Variants in GALNTL6 observed in about 807,000 individuals in gnomAD.
GALNTL6 encodes the protein polypeptide N-acetylgalactosaminyltransferase-like 6.
GALNTL6 carries 46 observed loss-of-function variants against 73.7 expected under a neutral mutation model. That is an observed-to-expected ratio of 0.62 (90% confidence interval 0.49 to 0.80). GALNTL6 has a LOEUF of 0.80. GALNTL6 is among the 30% of genes least tolerant of loss of function. GALNTL6 has a pLI of 0.00. For synonymous variants in GALNTL6, 259 were observed against 263.7 expected (o/e 0.98, Z 0.17); for missense variants, 604 against 755.0 (o/e 0.80, Z 2.34).
At chr4:172,724,926 G>A (rs1226680494) in intron 5 of GALNTL6, among the ~76,000 whole-genome samples, 3 of 152,144 alleles carry the variant, frequency 2.0e-5, no homozygotes, top group Non-Finnish European at 4.4e-5. Flanking sequence ...GTGCTAACAA[G>A]ATATCACCTG....
intron 2 of GALNTL6, among the ~76,000 whole-genome samples, chr4:171,969,000 C>A (rs1739480229): frequency 6.6e-6 from 1 of 151,956 alleles, no homozygotes; most frequent in Non-Finnish European, 1.5e-5. Flanking sequence ...CCACGCCCGG[C>A]TAATTTTTGT....
At chr4:171,869,561 A>G (rs1736077801) in intron 2 of GALNTL6, among the ~76,000 whole-genome samples, 1 of 152,136 alleles carries the variant, frequency 6.6e-6, no homozygotes, top group African/African-American at 2.4e-5. Context: ...TTTTTACTGC[A>G]TTGCAATTTT....
chr4:171,935,892 T>C (rs1738329511), intron 2 of GALNTL6, among the ~76,000 whole-genome samples: 1 of 152,192 alleles, frequency 6.6e-6, no homozygotes, highest in Admixed American at 6.6e-5. Flanking sequence ...TTTTTACCAA[T>C]ACCTAGTCAG....
chr4:172,500,487 A>G (rs758274080), intron 5 of GALNTL6, among the ~76,000 whole-genome samples: 3 of 152,168 alleles, frequency 2.0e-5, no homozygotes, highest in Non-Finnish European at 2.9e-5. Context: ...GTGAGGAATG[A>G]CACATCCTGT....
intron 10 of GALNTL6, among the ~76,000 whole-genome samples, chr4:172,994,911 C>G (rs1199575403): frequency 1.3e-5 from 2 of 152,302 alleles, no homozygotes; most frequent in African/African-American, 4.8e-5. Context: ...AGCTTAACAA[C>G]TGTATATTAG....
chr4:172,023,845 T>C (rs67649306), intron 2 of GALNTL6, among the ~76,000 whole-genome samples: 18,540 of 151,840 alleles, frequency 0.12, 2,860 homozygotes, highest in African/African-American at 0.36. Flanking sequence ...TACAAATACA[T>C]TTATGGCAGT....
intron 5 of GALNTL6, among the ~76,000 whole-genome samples, chr4:172,480,398 G>T (rs1434034394): frequency 6.6e-6 from 1 of 151,932 alleles, no homozygotes; most frequent in African/African-American, 2.4e-5. Flanking sequence ...ACTTCATTTA[G>T]ACTTAAAGCT....
At chr4:172,715,100 A>C (rs1299707708) in intron 5 of GALNTL6, among the ~76,000 whole-genome samples, 2 of 152,158 alleles carry the variant, frequency 1.3e-5, no homozygotes, top group Non-Finnish European at 2.9e-5. Context: ...ATTTCAACAA[A>C]AAAAAATGGT....
chr4:171,885,145 T>C (rs1736573361), intron 2 of GALNTL6, among the ~76,000 whole-genome samples: 1 of 151,968 alleles, frequency 6.6e-6, no homozygotes. Context: ...TTGTGTATAA[T>C]TACATGGTCT....
intron 2 of GALNTL6, among the ~76,000 whole-genome samples, chr4:172,219,222 T>TATATATATATATATATA (rs1483226525): frequency 2.1e-5 from 3 of 141,884 alleles, no homozygotes; most frequent in African/African-American, 7.6e-5. Context: ...TATATATATA[T>TATATATATATATATATA]AATCCTTCTG....
chr4:172,295,531 G>GTTTTTTTTTTTTTTT (rs58721038), intron 3 of GALNTL6, among the ~76,000 whole-genome samples: 7 of 73,152 alleles, frequency 9.6e-5, no homozygotes, highest in Non-Finnish European at 1.2e-4. Flanking sequence ...CTTTTTTTAG[G>GTTTTTTTTTTTTTTT]TTTTTTTTTT....
At chr4:172,519,886 A>T (rs1734720895) in intron 5 of GALNTL6, among the ~76,000 whole-genome samples, 2 of 151,840 alleles carry the variant, frequency 1.3e-5, no homozygotes, top group African/African-American at 4.8e-5. Flanking sequence ...ACTTCACTCT[A>T]ATAGTCCTCC....
intron 4 of GALNTL6, among the ~76,000 whole-genome samples, chr4:172,311,957 A>G (rs1353175537): frequency 1.3e-5 from 2 of 152,190 alleles, no homozygotes; most frequent in Non-Finnish European, 2.9e-5. Flanking sequence ...CTGAATTTCT[A>G]AAAATCCAAT....
chr4:172,083,726 A>G (rs1167618251), intron 2 of GALNTL6, among the ~76,000 whole-genome samples: 3 of 152,152 alleles, frequency 2.0e-5, no homozygotes, highest in Admixed American at 6.6e-5. Context: ...CATGTAATGT[A>G]TTAGAGATTT....
chr4:172,003,431 A>C, intron 2 of GALNTL6, among the ~76,000 whole-genome samples: 1 of 152,140 alleles, frequency 6.6e-6, no homozygotes, highest in East Asian at 1.9e-4. Context: ...TTTATTATGT[A>C]ACTTTTGTCC....
intron 2 of GALNTL6, among the ~76,000 whole-genome samples, chr4:172,202,684 A>C (rs1456896612): frequency 6.6e-6 from 1 of 152,172 alleles, no homozygotes; most frequent in Admixed American, 6.5e-5. Context: ...CTTGAATTGC[A>C]AATACTCAGT....
rs182337807 is a variant in GALNTL6, at chr4:172,562,248, C to T, written c.553+213559C>T. Among the ~76,000 whole-genome samples, 8 of 152,272 alleles carry T rather than the reference C, an allele frequency of 5.3e-5. No homozygotes were observed. The East Asian group carries it at 1.5e-3, about 29-fold the overall frequency. ...TCTGCTGGCAATCTCTGCACTCACCCCCAATTTGGCCTCCAGCTCAAAGGG... is the reference window on the plus strand; with the variant it reads ...TCTGCTGGCAATCTCTGCACTCACCTCCAATTTGGCCTCCAGCTCAAAGGG... On this transcript the variant is annotated intron_variant, in intron 5 of 12. Coordinates refer to ENST00000506823, the MANE Select transcript of GALNTL6 (RefSeq NM_001034845.3).
intron 2 of GALNTL6, among the ~76,000 whole-genome samples, chr4:172,016,682 CCTT>C (rs57442769): frequency 0.1 from 15,107 of 151,778 alleles, 1,824 homozygotes; most frequent in African/African-American, 0.29. Context: ...TTTTCTGGCT[CCTT>C]CTCATTTGGG....
At chr4:171,980,419 A>G (rs1246566858) in intron 2 of GALNTL6, among the ~76,000 whole-genome samples, 1 of 152,216 alleles carries the variant, frequency 6.6e-6, no homozygotes. Context: ...AATATCAAGA[A>G]AATGATTAAA....
Sources: gnomAD v4.1 joint callset for allele counts (sites outside exome capture counted in the v4.1 genomes callset) on GRCh38, gnomAD v4.1.1 for gene constraint, MANE v1.5 for transcripts, NCBI Gene and HGNC (gene_info 2026-07-23, HGNC 2026-07-21) for gene names.